The following SHOC2 variants were observed in gnomAD, a reference collection of about 807,000 sequenced individuals.
The protein encoded by SHOC2 is leucine-rich repeat protein SHOC-2.
SHOC2 carries 4 observed loss-of-function variants against 50.2 expected under a neutral mutation model. The ratio of observed to expected loss-of-function variants is 0.08; its 90% CI spans 0.04 to 0.18. The LOEUF (loss-of-function observed/expected upper bound fraction) is 0.18, where lower values mean the gene tolerates loss of function less well. Ranked by LOEUF, SHOC2 falls within the 10% of genes least tolerant of loss-of-function variation. The pLI, the probability that SHOC2 is intolerant of heterozygous loss-of-function variation, is 1.00. For missense variants in SHOC2, 388 were observed against 669.6 expected (o/e 0.58, Z 4.64); for synonymous variants, 218 against 244.5 (o/e 0.89, Z 1.01).
chr10:110,982,445 T>C (rs530496784), intron 2 of SHOC2, among the ~76,000 whole-genome samples: 5 of 152,176 alleles, frequency 3.3e-5, no homozygotes, highest in South Asian at 2.1e-4. Flanking sequence ...ACTTCCACAA[T>C]GGTTGAACTA....
At chr10:110,970,569 C>T (rs1432814812) in intron 2 of SHOC2, among the ~76,000 whole-genome samples, 9 of 152,014 alleles carry the variant, frequency 5.9e-5, no homozygotes, top group Non-Finnish European at 1.5e-5. Context: ...ATTATTTGGT[C>T]ATGTGGTAGG....
At chr10:110,922,356 A>G (rs979648423) in intron 1 of SHOC2, among the ~76,000 whole-genome samples, 4 of 152,224 alleles carry the variant, frequency 2.6e-5, no homozygotes, top group Non-Finnish European at 5.9e-5. Context: ...ATTCTTTATT[A>G]TACAGGTGGA....
rs1263340084 is a variant in SHOC2, at chr10:111,003,678, A to AATC, written c.973-928_973-927insATC. Among the ~76,000 whole-genome samples, 11 of 152,326 alleles carry AATC rather than the reference A, an allele frequency of 7.2e-5. No homozygotes were observed. In the East Asian group the frequency reaches 1.9e-3, roughly 27 times the overall value. On this transcript the variant is annotated intron_variant, in intron 4 of 8. Coordinates refer to ENST00000369452, the MANE Select transcript of SHOC2 (RefSeq NM_007373.4). ...CAGGATTTCTCAGATGTTAATGAGCATGCAGATCACCTGGGAATCTTGTTA... is the reference window on the plus strand; with the variant it reads ...CAGGATTTCTCAGATGTTAATGAGCAATCTGCAGATCACCTGGGAATCTTGTTA...
At chr10:110,939,275 G>C (rs777955744) in intron 1 of SHOC2, among the ~76,000 whole-genome samples, 1 of 151,980 alleles carries the variant, frequency 6.6e-6, no homozygotes, top group Non-Finnish European at 1.5e-5. Flanking sequence ...GTGGAGTGCA[G>C]TGGCACCATC....
At chr10:110,992,489 T>C (rs1165651013) in intron 3 of SHOC2, among the ~76,000 whole-genome samples, 1 of 152,196 alleles carries the variant, frequency 6.6e-6, no homozygotes, top group Non-Finnish European at 1.5e-5. Context: ...TAGTTTTATG[T>C]AATCCAGGGA....
chr10:110,942,838 TAGAC>T (rs1410215369), intron 1 of SHOC2, among the ~76,000 whole-genome samples: 1 of 152,214 alleles, frequency 6.6e-6, no homozygotes, highest in Non-Finnish European at 1.5e-5. Flanking sequence ...GAATTCTTGT[TAGAC>T]AGTTTAAAAA....
intron 3 of SHOC2, chr10:110,985,967 A>G (rs1848068690): frequency 5.6e-6 from 3 of 536,054 alleles, no homozygotes; most frequent in Non-Finnish European, 1.0e-5. Context: ...AATGAGCCCA[A>G]TGGGATTATA....
chr10:110,952,464 C>G (rs1466347661), intron 1 of SHOC2, among the ~76,000 whole-genome samples: 1 of 152,090 alleles, frequency 6.6e-6, no homozygotes, highest in Non-Finnish European at 1.5e-5. Flanking sequence ...ACTATAGTAT[C>G]ATAGGGAATT....
chr10:110,976,034 C>T (rs149367993), intron 2 of SHOC2, among the ~76,000 whole-genome samples: 526 of 152,182 alleles, frequency 3.5e-3, no homozygotes, highest in Non-Finnish European at 6.0e-3. Flanking sequence ...CTTCAGCCTC[C>T]CAAGTAGCTG....
chr10:110,934,200 C>G (rs1846953959), intron 1 of SHOC2, among the ~76,000 whole-genome samples: 1 of 152,148 alleles, frequency 6.6e-6, no homozygotes, highest in Non-Finnish European at 1.5e-5. Context: ...CCTGACAGTT[C>G]TACTTTCAGG....
intron 3 of SHOC2, among the ~76,000 whole-genome samples, chr10:110,992,883 C>T (rs1848209815): frequency 6.6e-6 from 1 of 152,032 alleles, no homozygotes; most frequent in Non-Finnish European, 1.5e-5. Context: ...TCCTTCCAAC[C>T]CTGAGTCTTT....
rs774593750 is a variant in SHOC2 at position 111,011,612 on chromosome 10, A to G, written c.1543A>G (p.Thr515Ala). Residue 515 changes from threonine (T) to alanine (A), a missense_variant and splice_region_variant, in exon 9 of 9, where the codon ACA becomes GCA. By Grantham distance (58) the Thr-to-Ala change is moderately conservative. Coordinates refer to ENST00000369452, the MANE Select transcript of SHOC2 (RefSeq NM_007373.4). ...AAATTGATTTTTTTTTTAAACAGGT[A>G]CACTGGAGAACCTAGAAGAACTGTA... ...LLTHLPEEIG[T>A]LENLEELYLN... The G allele has an allele frequency of 6.2e-7, 1 of 1,611,134 alleles. No homozygotes were observed. Among genetic ancestry groups the G allele is most frequent in the Non-Finnish European group, 8.5e-7 (1 of 1,177,502 alleles).
At chr10:110,975,434 G>T (rs1328532581) in intron 2 of SHOC2, among the ~76,000 whole-genome samples, 5 of 152,078 alleles carry the variant, frequency 3.3e-5, no homozygotes, top group African/African-American at 1.2e-4. Flanking sequence ...GAGCCACTGC[G>T]CCCGGCCTAT....
intron 1 of SHOC2, among the ~76,000 whole-genome samples, chr10:110,953,713 T>C (rs182932002): frequency 0.013 from 1,991 of 150,870 alleles, 39 homozygotes; most frequent in African/African-American, 0.046. Flanking sequence ...GATATATATA[T>C]ACACACACAC....
intron 3 of SHOC2, among the ~76,000 whole-genome samples, chr10:110,993,497 G>C (rs763075248): frequency 1.3e-5 from 2 of 152,132 alleles, no homozygotes; most frequent in Non-Finnish European, 2.9e-5. Flanking sequence ...GCAAATGTGA[G>C]ATTTCTTCAT....
At position 111,007,642 on chromosome 10, in the gene SHOC2, G is replaced by A. The variant is rs772835258; in HGVS notation, c.1273G>A (p.Val425Ile). ...GATCCCTGAGGATGTGTCTGGTCTC[G>A]TTTCTCTTGAGGTTAGTATAAATGA... ...TKIPEDVSGL[V>I]SLEVLILSNN... Residue 425 changes from valine (V) to isoleucine (I), a missense_variant, in exon 6 of 9, where the codon GTT (valine) becomes ATT (isoleucine). Val to Ile is a conservative substitution (Grantham distance 29). Coordinates refer to ENST00000369452, the MANE Select transcript of SHOC2 (RefSeq NM_007373.4). 8.7e-6 allele frequency: 14 copies of A among 1,613,338 alleles called. No homozygotes were observed. The South Asian group carries it at 8.8e-5, about 10-fold the overall frequency.
intron 5 of SHOC2, among the ~76,000 whole-genome samples, chr10:111,005,324 G>T (rs1213250070): frequency 1.3e-5 from 2 of 152,020 alleles, no homozygotes; most frequent in Non-Finnish European, 2.9e-5. Flanking sequence ...ATAGTTGTAG[G>T]GATATGTATT....
Position 110,964,683 on chromosome 10 carries a change from A to C in SHOC2, c.325A>C (p.Lys109Gln). 1 of 1,614,048 alleles carries C rather than the reference A, an allele frequency of 6.2e-7. No individual in the cohort carries two copies. The highest frequency in any genetic ancestry group is 8.5e-7 in the Non-Finnish European group (1 of 1,179,982). The change falls in exon 2 of 9, where the codon AAG (lysine) becomes CAG (glutamine). Residue 109 changes from lysine to glutamine, a missense_variant. Around this residue, in one of 5 missense-constraint regions of SHOC2, gnomAD observed 121 missense variants for 145.5 expected, o/e 0.83. Transcript: ENST00000369452. This position sits in a 1 kb window ranked among gnomAD's most constrained non-coding sequence, Gnocchi z 4.9. ...EENSMRLDLS[K>Q]RSIHILPSSI... is the part of the protein sequence containing the mutation. ...GAATTCAATGCGTTTGGACTTATCCAAGAGATCTATACACATATTGCCATC... is the reference window on the plus strand; with the variant it reads ...GAATTCAATGCGTTTGGACTTATCCCAGAGATCTATACACATATTGCCATC...
At chr10:110,997,670 A>G (rs758044025) in intron 3 of SHOC2, among the ~76,000 whole-genome samples, 8 of 152,196 alleles carry the variant, frequency 5.3e-5, no homozygotes, top group Non-Finnish European at 8.8e-5. Context: ...TCTATTATGT[A>G]TCTGTTAGTC....
Sources: allele counts gnomAD v4.1 joint callset (sites outside exome capture counted in the v4.1 genomes callset), GRCh38; gene constraint gnomAD v4.1.1; regional missense constraint gnomAD v4.1.1; non-coding constraint Gnocchi (gnomAD v3.1); transcripts MANE v1.5; gene names NCBI Gene and HGNC (gene_info 2026-07-23, HGNC 2026-07-21).